IQSEC1: variants seen among roughly 807,000 people sequenced by gnomAD.
IQSEC1 encodes the protein IQ motif and SEC7 domain-containing protein 1.
A neutral mutation model predicts 91.0 loss-of-function variants in IQSEC1; 31 were observed. That is an observed-to-expected ratio of 0.34 (90% CI 0.26 to 0.46). IQSEC1 has a LOEUF of 0.46. Ranked by LOEUF, IQSEC1 falls within the 20% of genes least tolerant of loss-of-function variation. The probability of loss-of-function intolerance (pLI) is 1.00; values close to 1 mark genes in which losing one functional copy is unlikely to be tolerated. For synonymous variants in IQSEC1, 699 were observed against 662.6 expected, an observed-to-expected ratio of 1.05 and a Z score of -0.84; for missense variants, 1,388 against 1,575.6, an observed-to-expected ratio of 0.88 and a Z score of 2.02.
intron 1 of IQSEC1, among the ~76,000 whole-genome samples, chr3:13,033,057 G>A (rs1027435648): frequency 1.3e-5 from 2 of 151,824 alleles, no homozygotes; most frequent in Admixed American, 6.6e-5. Context: ...AACAGCCTGT[G>A]TTTATTTTAA....
intron 1 of IQSEC1, among the ~76,000 whole-genome samples, chr3:13,228,403 CT>C (rs1694793241): frequency 6.6e-6 from 1 of 152,204 alleles, no homozygotes; most frequent in South Asian, 2.1e-4. Flanking sequence ...CAGAGCCACT[CT>C]TTCCCAGGTT....
At chr3:13,192,221 C>G (rs1694047720) in intron 1 of IQSEC1, among the ~76,000 whole-genome samples, 1 of 151,928 alleles carries the variant, frequency 6.6e-6, no homozygotes, top group South Asian at 2.1e-4. Flanking sequence ...GCCTGTAGTC[C>G]CAGCTACTCA....
chr3:13,043,656 C>T (rs1704372823), intron 1 of IQSEC1, among the ~76,000 whole-genome samples: 1 of 152,238 alleles, frequency 6.6e-6, no homozygotes, highest in Admixed American at 6.5e-5. Context: ...TGTCTTTCTC[C>T]TGACTACAAG....
chr3:12,917,941 G>C (rs1696262821), intron 6 of IQSEC1, among the ~76,000 whole-genome samples: 1 of 152,240 alleles, frequency 6.6e-6, no homozygotes, highest in South Asian at 2.1e-4. Flanking sequence ...CCCGCTGCGG[G>C]ACCCACTGGA....
upstream of IQSEC1, among the ~76,000 whole-genome samples, chr3:13,073,698 C>T (rs563898637): frequency 1.8e-4 from 28 of 152,256 alleles, no homozygotes; most frequent in African/African-American, 6.5e-4. Flanking sequence ...CTTTCCAAGG[C>T]GGCTTTTCTG....
chr3:12,954,318 A>G (rs1699760165), intron 1 of IQSEC1, among the ~76,000 whole-genome samples: 1 of 152,206 alleles, frequency 6.6e-6, no homozygotes, highest in Non-Finnish European at 1.5e-5. Flanking sequence ...GGCAGCCCCT[A>G]GAACCTGGAA....
In IQSEC1 at chr3:12,907,540, G is replaced by A. The variant is rs555173537; in HGVS notation, c.2755+809C>T. ...CGGAGGGCGGCTACGATACCCTCCC[G>A]TACACTCCTTGAGCAGCAACACAGC... On this transcript the variant is annotated intron_variant, in intron 12 of 13. Transcript: ENST00000613206. 2.6e-4 allele frequency among the ~76,000 whole-genome samples: 39 copies of A among 152,256 alleles called. No homozygotes were observed. The East Asian group carries it at 6.2e-3, about 24-fold the overall frequency.
intron 2 of IQSEC1, among the ~76,000 whole-genome samples, chr3:13,154,463 A>ATGTG: frequency 8.2e-6 from 1 of 121,258 alleles, no homozygotes; most frequent in African/African-American, 3.1e-5. Flanking sequence ...ATATATATAT[A>ATGTG]TATATATATA....
chr3:13,191,030 G>T (rs1694015156), intron 1 of IQSEC1, among the ~76,000 whole-genome samples: 1 of 152,190 alleles, frequency 6.6e-6, no homozygotes, highest in Non-Finnish European at 1.5e-5. Context: ...CCCTTGCCAT[G>T]GCCGTCCTGT....
At chr3:13,053,255 C>T (rs1031902053) in intron 1 of IQSEC1, 16 of 578,886 alleles carry the variant, frequency 2.8e-5, no homozygotes, top group Non-Finnish European at 4.3e-5. Flanking sequence ...GCCACCTGCA[C>T]GTCATCCTTG....
intron 2 of IQSEC1, among the ~76,000 whole-genome samples, chr3:13,104,973 C>T (rs559350782): frequency 2.0e-5 from 3 of 152,356 alleles, no homozygotes. Context: ...AACCTGAAAT[C>T]TTCCGGTTTG....
intron 2 of IQSEC1, among the ~76,000 whole-genome samples, chr3:13,100,134 G>A (rs1325494682): frequency 6.8e-6 from 1 of 148,034 alleles, no homozygotes; most frequent in African/African-American, 2.6e-5. Flanking sequence ...TGAGAGCAGT[G>A]AGGAGGTGGG....
In IQSEC1 at chr3:13,214,421, G is replaced by A. The variant is rs570122882; in HGVS notation, c.273-50288C>T. Reference sequence around the variant, plus strand: ...CACACGGCAGGGCTGCAGCAAGCTCGAGCCAGAACTCTGGCCGTGGCCCCC... The same window carrying A: ...CACACGGCAGGGCTGCAGCAAGCTCAAGCCAGAACTCTGGCCGTGGCCCCC... On this transcript the variant is annotated intron_variant, in intron 1 of 15. Transcript: ENST00000648114. The surrounding 1 kb of genome is among the most constrained non-coding windows in gnomAD (Gnocchi z 4.5). Among the ~76,000 whole-genome samples the A allele has an allele frequency of 3.7e-4, 56 of 152,364 alleles. No individual in the cohort carries two copies. The highest frequency in any genetic ancestry group is 1.3e-3 in the African/African-American group (53 of 41,592).
At chr3:13,232,949 A>G (rs58684536) in intron 1 of IQSEC1, among the ~76,000 whole-genome samples, 1,542 of 152,290 alleles carry the variant, frequency 0.01, 24 homozygotes, top group African/African-American at 0.034. Context: ...GACATAAAGT[A>G]GAATGGTGGG....
At chr3:13,086,036 G>A (rs360748) in intron 2 of IQSEC1, among the ~76,000 whole-genome samples, 21,917 of 152,118 alleles carry the variant, frequency 0.14, 1,772 homozygotes, top group Middle Eastern at 0.18. Context: ...GCTGGCGCTG[G>A]AGGACTGAGG....
intron 1 of IQSEC1, among the ~76,000 whole-genome samples, chr3:12,986,729 G>A (rs946042773): frequency 2.6e-5 from 4 of 152,202 alleles, no homozygotes; most frequent in Non-Finnish European, 5.9e-5. Context: ...CACATACTAG[G>A]CACTGAAGAG....
intron 2 of IQSEC1, among the ~76,000 whole-genome samples, chr3:13,105,960 G>A (rs1420441510): frequency 1.3e-5 from 2 of 152,206 alleles, no homozygotes. Flanking sequence ...GAAACGCTGG[G>A]CTTTGTCTTC....
intron 1 of IQSEC1, among the ~76,000 whole-genome samples, chr3:12,990,142 C>T (rs1394919939): frequency 6.6e-6 from 1 of 152,218 alleles, no homozygotes; most frequent in Non-Finnish European, 1.5e-5. Context: ...TTGTTACAAA[C>T]CTGTGTTACT....
chr3:13,222,141 G>T (rs1694672008), intron 1 of IQSEC1, among the ~76,000 whole-genome samples: 1 of 56,908 alleles, frequency 1.8e-5, no homozygotes, highest in Non-Finnish European at 3.4e-5. Flanking sequence ...CGAACCCCCA[G>T]CCCCCCTCCC....
Sources: gnomAD v4.1 joint callset for allele counts (sites outside exome capture counted in the v4.1 genomes callset) on GRCh38, gnomAD v4.1.1 for gene constraint, Gnocchi (gnomAD v3.1) non-coding constraint, MANE v1.5 for transcripts, NCBI Gene and HGNC (gene_info 2026-07-23, HGNC 2026-07-21) for gene names.